ATP7A: variants seen among roughly 807,000 people sequenced by gnomAD.
The protein encoded by ATP7A is copper-transporting ATPase 1.
A neutral mutation model predicts 83.5 loss-of-function variants in ATP7A; 7 were observed. That is an observed-to-expected ratio of 0.08 (90% CI 0.05 to 0.16). The LOEUF (loss-of-function observed/expected upper bound fraction) is 0.16. Among genes scored for constraint, ATP7A ranks in the 10% least tolerant of loss-of-function variants. The probability of loss-of-function intolerance (pLI) is 1.00; values close to 1 mark genes in which losing one functional copy is unlikely to be tolerated. For missense variants in ATP7A, 940 were observed against 1,120.8 expected (o/e 0.84, Z 2.30); for synonymous variants, 354 against 395.2 (o/e 0.90, Z 1.24).
At position 78,049,258 on chromosome X, in the gene ATP7A, A is replaced by G. The variant is rs1190914121; in HGVS notation, c.*2688A>G. 8.9e-6 allele frequency: 1 copy of G among 112,119 alleles called. No individual in the cohort carries two copies. The highest frequency in any genetic ancestry group is 3.2e-5 in the African/African-American group (1 of 30,897). 9.2% of individuals were successfully genotyped at this position (112,119 alleles called of 1,213,427 possible). A position where few individuals can be genotyped will look rare whatever the true frequency, so the allele number is the denominator to read the frequency against. On this transcript the variant is annotated 3_prime_UTR_variant, in exon 23 of 23. Transcript: ENST00000341514. The stretch of plus-strand genomic sequence containing the variant: ...TATAAATGTGTATTTCTGTGTATTC[A>G]CATACATATATATATACACACATAT...
chrX:77,918,589 A>G (rs1557222791), intron 1 of ATP7A, among the ~76,000 whole-genome samples: 1 of 111,080 alleles, frequency 9.0e-6, no homozygotes, highest in Non-Finnish European at 1.9e-5. Context: ...TTCCTTTCCC[A>G]ATGGGAATCT....
intron 1 of ATP7A, among the ~76,000 whole-genome samples, chrX:77,911,573 T>G (rs1557221916): frequency 9.2e-6 from 1 of 109,086 alleles, no homozygotes; most frequent in Non-Finnish European, 1.9e-5. Flanking sequence ...TTTTTTTTTT[T>G]TGCCGGGTGC....
At chrX:77,917,181 A>T (rs2077189741) in intron 1 of ATP7A, among the ~76,000 whole-genome samples, 1 of 112,094 alleles carries the variant, frequency 8.9e-6, no homozygotes, top group African/African-American at 3.2e-5. Flanking sequence ...AAATGATAAG[A>T]GCATGGACTA....
chrX:77,984,578 G>A (rs782335817), intron 2 of ATP7A, among the ~76,000 whole-genome samples: 1 of 110,809 alleles, frequency 9.0e-6, no homozygotes, highest in Admixed American at 9.6e-5. Flanking sequence ...CATTGGCTAG[G>A]CTGGCCTCAA....
rs147889105 is a variant in ATP7A at position 77,920,407 on chromosome X, C to G, written c.-22+9572C>G. Among the ~76,000 whole-genome samples, 496 of 109,633 alleles carry G rather than the reference C, an allele frequency of 4.5e-3. 13 individuals carry two copies. The highest frequency in any genetic ancestry group is 0.036 in the East Asian group (124 of 3,488). On this transcript the variant is annotated intron_variant, in intron 1 of 22. Transcript: ENST00000341514. ...ATTTTTTTTGTATTTTTAGTAGAGA[C>G]TGGGTTTCAACATGTTAGCCAGGAT... is the stretch of plus-strand genomic sequence containing the variant.
intron 14 of ATP7A, among the ~76,000 whole-genome samples, chrX:78,027,613 A>C (rs1557236480): frequency 8.9e-6 from 1 of 112,427 alleles, no homozygotes; most frequent in Non-Finnish European, 1.9e-5. Flanking sequence ...TTCATATGGA[A>C]AAAGAACCTA....
chrX:77,948,100 T>TATTTATTTATTTATTC (rs1452191503), intron 1 of ATP7A, among the ~76,000 whole-genome samples: 1 of 89,750 alleles, frequency 1.1e-5, no homozygotes, highest in African/African-American at 4.5e-5. Context: ...TTTATTTATT[T>TATTTATTTATTTATTC]ATTCATTCAT....
intron 1 of ATP7A, among the ~76,000 whole-genome samples, chrX:77,949,484 A>G (rs2077401793): frequency 8.9e-6 from 1 of 112,262 alleles, no homozygotes; most frequent in Non-Finnish European, 1.9e-5. Context: ...TTTCATAGAA[A>G]GAACAACTCT....
intron 1 of ATP7A, among the ~76,000 whole-genome samples, chrX:77,912,483 T>A (rs1217638561): frequency 1.8e-5 from 2 of 111,163 alleles, no homozygotes; most frequent in Non-Finnish European, 3.8e-5. Flanking sequence ...CTGATTAAAA[T>A]TAGAAAAAAT....
rs142313555 is a variant in ATP7A, at chrX:77,934,567, G to A, written c.-22+23732G>A. ...ACATTGCAGCTGAAGGGAGCTGGGA[G>A]GGCCTTTTTTTCCCCCTTAGGGATG... On this transcript the variant is annotated intron_variant, in intron 1 of 22. Transcript: ENST00000341514. Among the ~76,000 whole-genome samples, 328 of 111,539 alleles carry A rather than the reference G, an allele frequency of 2.9e-3. 2 individuals carry two copies. Among genetic ancestry groups the A allele is most frequent in the African/African-American group, 0.01 (313 of 30,660 alleles).
chrX:77,937,156 G>T (rs1318650349), intron 1 of ATP7A, among the ~76,000 whole-genome samples: 1 of 112,556 alleles, frequency 8.9e-6, no homozygotes, highest in East Asian at 2.8e-4. Flanking sequence ...GGTATGTGAT[G>T]TTGCTAACGA....
In ATP7A at chrX:78,040,579, C is replaced by T. The variant is rs1012193744; in HGVS notation, c.3659-12C>T. ...TTCCAAGTTCTTTTATTTTGTGCTGCCCCTATATTAGATGAGCTGTGTGGC... is the reference window on the plus strand; with the variant it reads ...TTCCAAGTTCTTTTATTTTGTGCTGTCCCTATATTAGATGAGCTGTGTGGC... On this transcript the variant is annotated splice_polypyrimidine_tract_variant and intron_variant, in intron 18 of 22. Coordinates refer to ENST00000341514, the MANE Select transcript of ATP7A (RefSeq NM_000052.7). 1.7e-5 allele frequency: 21 copies of T among 1,207,511 alleles called. No individual in the cohort carries two copies. In the African/African-American group the frequency reaches 3.1e-4, roughly 18 times the overall value.
chrX:77,930,271 A>G (rs781895778), intron 1 of ATP7A, among the ~76,000 whole-genome samples: 1 of 111,642 alleles, frequency 9.0e-6, no homozygotes, highest in Admixed American at 9.5e-5. Context: ...GTATAGTCTC[A>G]GTACTAAGTG....
intron 5 of ATP7A, among the ~76,000 whole-genome samples, chrX:78,000,833 T>A (rs1386757438): frequency 9.2e-6 from 1 of 108,831 alleles, no homozygotes; most frequent in African/African-American, 3.3e-5. Flanking sequence ...CCTGGCTAAT[T>A]TTTGTATTTT....
At chrX:77,931,390 T>C (rs1049303304) in intron 1 of ATP7A, among the ~76,000 whole-genome samples, 17 of 111,676 alleles carry the variant, frequency 1.5e-4, no homozygotes, top group Admixed American at 2.8e-4. Flanking sequence ...CGGAACAAAA[T>C]GAAAAGTCTC....
intron 1 of ATP7A, chrX:77,963,300 C>T (rs181766934): frequency 1.3e-4 from 15 of 113,764 alleles, no homozygotes; most frequent in African/African-American, 4.5e-4. Context: ...AAGGTTCCAG[C>T]TCCATTAGGC....
chrX:78,010,079 A>G (rs1557234242), intron 7 of ATP7A, among the ~76,000 whole-genome samples: 3 of 112,535 alleles, frequency 2.7e-5, no homozygotes, highest in African/African-American at 9.7e-5. Flanking sequence ...TTATTAGTTC[A>G]GTTAAGATCC....
At chrX:78,025,867 T>C (rs970523646) in intron 14 of ATP7A, among the ~76,000 whole-genome samples, 1 of 110,493 alleles carries the variant, frequency 9.1e-6, no homozygotes, top group Admixed American at 9.7e-5. Context: ...AGAAACAAAG[T>C]CTTCCTCAGA....
intron 2 of ATP7A, among the ~76,000 whole-genome samples, chrX:77,979,635 C>G (rs1241497265): frequency 8.9e-6 from 1 of 112,274 alleles, no homozygotes; most frequent in East Asian, 2.8e-4. Flanking sequence ...AGTGTTTCAA[C>G]TAAGTCAAGG....
Sources: allele counts gnomAD v4.1 joint callset (sites outside exome capture counted in the v4.1 genomes callset), GRCh38; gene constraint gnomAD v4.1.1; transcripts MANE v1.5; gene names NCBI Gene and HGNC (gene_info 2026-07-23, HGNC 2026-07-21).